Variants in COL21A1 observed in about 807,000 individuals in gnomAD.
COL21A1 encodes the protein collagen type XXI alpha 1 chain.
Under a neutral mutation model 137.9 loss-of-function variants are expected in COL21A1, and 149 were observed. That is an observed-to-expected ratio of 1.08 (90% CI 0.95 to 1.24). The LOEUF (loss-of-function observed/expected upper bound fraction) is 1.24, where lower values mean the gene tolerates loss of function less well. Among genes scored for constraint, COL21A1 ranks in the 50% most tolerant of loss-of-function variants. The pLI is 0.00. For missense variants in COL21A1, 1,167 were observed against 1,158.4 expected (o/e 1.01, Z -0.11); for synonymous variants, 456 against 391.5 (o/e 1.16, Z -1.95).
intron 1 of COL21A1, among the ~76,000 whole-genome samples, chr6:56,359,114 TATC>T (rs1357878144): frequency 1.3e-5 from 2 of 152,222 alleles, no homozygotes; most frequent in Non-Finnish European, 2.9e-5. Flanking sequence ...GTCTAAAAGT[TATC>T]ATAAAATACA....
intron 9 of COL21A1, among the ~76,000 whole-genome samples, chr6:56,160,881 C>A (rs940711273): frequency 6.6e-6 from 1 of 152,194 alleles, no homozygotes; most frequent in South Asian, 2.1e-4. Context: ...CCAAATACGA[C>A]GTTTGTAAGC....
chr6:56,154,934 G>C (rs1405654882), intron 10 of COL21A1, among the ~76,000 whole-genome samples: 1 of 150,890 alleles, frequency 6.6e-6, no homozygotes, highest in African/African-American at 2.4e-5. Context: ...TTTCTTTTTT[G>C]AGTTCAGGGG....
intron 1 of COL21A1, among the ~76,000 whole-genome samples, chr6:56,329,605 T>C (rs1765174248): frequency 6.6e-6 from 1 of 151,966 alleles, no homozygotes; most frequent in Admixed American, 6.6e-5. Flanking sequence ...GCTGAGAACA[T>C]GCATGGAACA....
intron 1 of COL21A1, among the ~76,000 whole-genome samples, chr6:56,241,505 C>G (rs1782322740): frequency 6.6e-6 from 1 of 152,114 alleles, no homozygotes; most frequent in South Asian, 2.1e-4. Flanking sequence ...CCTAGTGTTG[C>G]TAGCTAACAA....
chr6:56,133,470 T>C (rs552973591), intron 12 of COL21A1, among the ~76,000 whole-genome samples: 11 of 152,276 alleles, frequency 7.2e-5, no homozygotes, highest in African/African-American at 2.2e-4. Context: ...AGTATAAAAT[T>C]TGGAAAATTT....
rs2152257962 is a variant in COL21A1, at chr6:56,156,910, G to A, written c.1411C>T (p.Gln471Ter). Residue 471 changes from glutamine to a stop codon, truncating the protein, a stop_gained, in exon 10 of 30, where the codon CAA becomes TAA. Transcript: ENST00000244728. LOFTEE classifies it high-confidence loss of function. ...ACAGGCTTACCATCTTGACCAGGTT[G>A]TCCAGGGTAGCCAGGGTTCCCAGGC... ...GLPGNPGYPG[Q>*]PGQDGKPGYQ... 5 of 1,612,328 alleles carry A rather than the reference G, an allele frequency of 3.1e-6. No homozygotes were observed. The highest frequency in any genetic ancestry group is 2.2e-5 in the East Asian group (1 of 44,862).
At chr6:56,199,651 C>G (rs1053180101) in intron 1 of COL21A1, among the ~76,000 whole-genome samples, 4 of 152,030 alleles carry the variant, frequency 2.6e-5, no homozygotes, top group African/African-American at 9.7e-5. Context: ...TTTGAGAAAA[C>G]TTTGGTTTAT....
chr6:56,232,406 T>C (rs776089823), intron 1 of COL21A1, among the ~76,000 whole-genome samples: 5 of 152,052 alleles, frequency 3.3e-5, no homozygotes, highest in Admixed American at 2.0e-4. Flanking sequence ...CATTAAATAT[T>C]TTGAAAAATT....
At chr6:56,155,067 CCCACCTT>C (rs1307931273) in intron 10 of COL21A1, among the ~76,000 whole-genome samples, 2 of 152,172 alleles carry the variant, frequency 1.3e-5, no homozygotes, top group Non-Finnish European at 2.9e-5. Flanking sequence ...TCTCCCCCCT[CCCACCTT>C]CCACCTTCCA....
intron 1 of COL21A1, among the ~76,000 whole-genome samples, chr6:56,355,259 T>C (rs189281614): frequency 6.6e-6 from 1 of 152,336 alleles, no homozygotes; most frequent in East Asian, 1.9e-4. Context: ...AATCTGATCA[T>C]ACTTCTAAAT....
chr6:56,222,346 G>T (rs1780889609), intron 1 of COL21A1, among the ~76,000 whole-genome samples: 2 of 152,024 alleles, frequency 1.3e-5, no homozygotes, highest in South Asian at 4.2e-4. Flanking sequence ...AAAATAGGAG[G>T]TTAATAATGT....
chr6:56,173,830 A>G (rs1777245458), intron 3 of COL21A1, among the ~76,000 whole-genome samples: 1 of 152,202 alleles, frequency 6.6e-6, no homozygotes, highest in African/African-American at 2.4e-5. Context: ...GAACAATACT[A>G]TAGACCAAAT....
Position 56,125,600 on chromosome 6 carries a change from T to C in COL21A1, c.1617A>G (p.Gly539=), listed in dbSNP as rs376191206. The change falls in exon 14 of 30, where the codon GGA becomes GGG. Residue 539 remains glycine (G), a synonymous_variant. Coordinates refer to ENST00000244728, the MANE Select transcript of COL21A1 (RefSeq NM_030820.4). The part of the protein sequence containing the change: ...PGSKGEMGAK[G]DKGSPGFYGK... ...CATAAAATCCAGGTGATCCTTTGTC[T>C]CCTTTGGCACCCATTTCACCCTAAA... The C allele has an allele frequency of 2.4e-4, 387 of 1,598,986 alleles. No individual in the cohort carries two copies. The highest frequency in any genetic ancestry group is 3.2e-4 in the Non-Finnish European group (378 of 1,170,030).
chr6:56,340,853 A>C (rs6899654), intron 1 of COL21A1, among the ~76,000 whole-genome samples: 100,578 of 152,038 alleles, frequency 0.66, 33,493 homozygotes, highest in South Asian at 0.81. Context: ...TTGTTAGCTC[A>C]TGGAGCAAGT....
At chr6:56,210,973 G>A (rs1042747718) in intron 1 of COL21A1, among the ~76,000 whole-genome samples, 1 of 151,786 alleles carries the variant, frequency 6.6e-6, no homozygotes, top group Admixed American at 6.6e-5. Flanking sequence ...CAGGACATTA[G>A]ATGATATTCA....
chr6:56,293,443 A>C (rs1411395651), intron 1 of COL21A1, among the ~76,000 whole-genome samples: 2 of 152,130 alleles, frequency 1.3e-5, no homozygotes, highest in Non-Finnish European at 2.9e-5. Context: ...TATGAAGATA[A>C]AGATATTATG....
At chr6:56,107,103 T>TA (rs890941314) in intron 16 of COL21A1, among the ~76,000 whole-genome samples, 1 of 152,066 alleles carries the variant, frequency 6.6e-6, no homozygotes, top group African/African-American at 2.4e-5. Flanking sequence ...TTTTATTAGT[T>TA]AAAAAATTCA....
intron 1 of COL21A1, among the ~76,000 whole-genome samples, chr6:56,226,589 G>C (rs1781209049): frequency 6.6e-6 from 1 of 151,924 alleles, no homozygotes; most frequent in Non-Finnish European, 1.5e-5. Context: ...CTTCCATTTG[G>C]AGGCCAAAGC....
chr6:56,179,392 C>G (rs1204554319), intron 3 of COL21A1, among the ~76,000 whole-genome samples, 186 bp downstream of exon 3: 1 of 151,928 alleles, frequency 6.6e-6, no homozygotes, highest in Non-Finnish European at 1.5e-5. Flanking sequence ...ATCCTAAATA[C>G]ATACAACACA....
Sources: allele counts gnomAD v4.1 joint callset (sites outside exome capture counted in the v4.1 genomes callset), GRCh38; gene constraint gnomAD v4.1.1; transcripts MANE v1.5; gene names NCBI Gene and HGNC (gene_info 2026-07-23, HGNC 2026-07-21).